Variants in ST6GAL1 observed in about 807,000 individuals in gnomAD.
ST6GAL1 encodes beta-galactoside alpha-2,6-sialyltransferase 1.
In ST6GAL1, 20 loss-of-function variants were observed where a neutral mutation model predicts 38.0. The ratio of observed to expected loss-of-function variants is 0.53; its 90% confidence interval spans 0.37 to 0.77. The LOEUF is 0.77. ST6GAL1 is among the 30% of genes least tolerant of loss of function. The pLI, the probability that ST6GAL1 is intolerant of heterozygous loss-of-function variation, is 0.00. For missense variants in ST6GAL1, 432 were observed against 496.4 expected (o/e 0.87, Z 1.23); for synonymous variants, 196 against 188.2 (o/e 1.04, Z -0.34).
chr3:186,963,870 C>G lies in ST6GAL1; in HGVS notation c.-239C>G, dbSNP rs908133577. 1 of 152,418 alleles carries G rather than the reference C, an allele frequency of 6.6e-6. No individual in the cohort carries two copies. Among genetic ancestry groups the G allele is most frequent in the African/African-American group, 2.4e-5 (1 of 41,464 alleles). 9.4% of individuals were successfully genotyped at this position (152,418 alleles called of 1,614,324 possible). On this transcript the variant is annotated 5_prime_UTR_variant, in exon 2 of 8. Transcript: ENST00000169298. ...TGTCATGGAGCCCAGCTGAAATGGA[C>G]TGGCCCCCTTGAGCCTGTCCCAAGC...
chr3:186,953,582 T>C (rs990789693), intron 1 of ST6GAL1, among the ~76,000 whole-genome samples: 1 of 152,186 alleles, frequency 6.6e-6, no homozygotes, highest in Non-Finnish European at 1.5e-5. Flanking sequence ...TAGGTGGCCA[T>C]CTGAGTTACT....
At position 186,967,895 on chromosome 3, in the gene ST6GAL1, G is replaced by A. The variant is rs574683462; in HGVS notation, c.-183+3969G>A. On this transcript the variant is annotated intron_variant, in intron 2 of 7. Coordinates refer to ENST00000169298, the MANE Select transcript of ST6GAL1 (RefSeq NM_173216.2). ...AGAGGCCAGGGTGTCCTGGGGAGCC[G>A]GCACAGCCCACTTCCTGCCTTAGCC... Among the ~76,000 whole-genome samples the A allele has an allele frequency of 1.7e-4, 26 of 152,332 alleles. No individual in the cohort carries two copies. The East Asian group carries it at 3.1e-3, about 18-fold the overall frequency.
At chr3:186,995,177 A>G (rs370088488) in intron 2 of ST6GAL1, among the ~76,000 whole-genome samples, 69 of 152,090 alleles carry the variant, frequency 4.5e-4, no homozygotes, top group African/African-American at 1.7e-3. Flanking sequence ...TAGGATCCAG[A>G]TAAAATCCAA....
rs115856778 is a variant in ST6GAL1, at chr3:187,059,613, T to C, written c.705+8267T>C. On this transcript the variant is annotated intron_variant, in intron 5 of 7. Transcript: ENST00000169298. ...GCTCTGTCTCTTACTAGCTGAAGGA[T>C]CATCAAGTTACTTCTCTCTAAAAAA... Among the ~76,000 whole-genome samples, 242 of 152,324 alleles carry C rather than the reference T, an allele frequency of 1.6e-3. 1 individual carries two copies. The highest frequency in any genetic ancestry group is 5.7e-3 in the African/African-American group (235 of 41,560).
chr3:186,999,933 G>A (rs1474759040), intron 2 of ST6GAL1, among the ~76,000 whole-genome samples: 1 of 151,946 alleles, frequency 6.6e-6, no homozygotes, highest in Non-Finnish European at 1.5e-5. Context: ...TTGAACTTGT[G>A]GGCTTGGGAT....
At position 186,999,413 on chromosome 3, in the gene ST6GAL1, CTTTTT is replaced by C. The variant is rs35693392; in HGVS notation, c.-183+35499_-183+35503del. Reference sequence around the variant, plus strand: ...CCTTGAAGGAAGACTACTATAATCTCTTTTTTTTTTTTTTTTGAGACGGAGTCTCA... The same window carrying C: ...CCTTGAAGGAAGACTACTATAATCTCTTTTTTTTTTTGAGACGGAGTCTCA... On this transcript the variant is annotated intron_variant, in intron 2 of 7. Coordinates refer to ENST00000169298, the MANE Select transcript of ST6GAL1 (RefSeq NM_173216.2). Among the ~76,000 whole-genome samples, 13 of 138,352 alleles carry C rather than the reference CTTTTT, an allele frequency of 9.4e-5. No individual in the cohort carries two copies. In the South Asian group the frequency reaches 2.5e-3, roughly 27 times the overall value. 90.8% of individuals were successfully genotyped at this position (138,352 alleles called of 152,430 possible). A position where few individuals can be genotyped will look rare whatever the true frequency, so the allele number is the denominator to read the frequency against.
chr3:186,993,977 G>A (rs958054388), intron 2 of ST6GAL1, among the ~76,000 whole-genome samples: 11 of 152,034 alleles, frequency 7.2e-5, no homozygotes, highest in African/African-American at 1.4e-4. Flanking sequence ...GCTCTACTTC[G>A]TCATCAGAGA....
At chr3:186,948,176 G>A (rs1327621348) in intron 1 of ST6GAL1, among the ~76,000 whole-genome samples, 1 of 152,210 alleles carries the variant, frequency 6.6e-6, no homozygotes, top group African/African-American at 2.4e-5. Context: ...GAGGGTGGAG[G>A]AGGCTGTTCC....
In ST6GAL1 at chr3:186,930,741, A is replaced by T. The variant is rs945429154; in HGVS notation, c.-418A>T. The T allele has an allele frequency of 6.6e-6, 1 of 152,154 alleles. No individual in the cohort carries two copies. Among genetic ancestry groups the T allele is most frequent in the Non-Finnish European group, 1.5e-5 (1 of 68,082 alleles). The allele number at this position is 152,154 out of a possible 1,614,324, so 9.4% of individuals were successfully genotyped here. On this transcript the variant is annotated 5_prime_UTR_variant, in exon 1 of 8. Coordinates refer to ENST00000169298, the MANE Select transcript of ST6GAL1 (RefSeq NM_173216.2). ...CCTGGGGCACTGCCCGGCGTTAACA[A>T]AGGGAGCCGATACCGACCGGCGTGG...
Position 187,042,757 on chromosome 3 carries a change from T to G in ST6GAL1, c.54T>G (p.Leu18=). Residue 18 remains leucine (L), a synonymous_variant, in exon 4 of 8, where the codon CTT becomes CTG. Transcript: ENST00000169298. The stretch of plus-strand genomic sequence containing the variant: ...TCAGCTGCTGCGTCCTGGTCTTTCT[T>G]CTGTTTGCAGTCATCTGTGTGTGGA... ...KKFSCCVLVF[L]LFAVICVWKE... is the part of the protein sequence containing the mutation. 6.2e-7 allele frequency: 1 copy of G among 1,614,106 alleles called. No homozygotes were observed. Among genetic ancestry groups the G allele is most frequent in the Non-Finnish European group, 8.5e-7 (1 of 1,180,004 alleles).
At chr3:187,025,293 TAGG>T (rs1361628128) in intron 2 of ST6GAL1, among the ~76,000 whole-genome samples, 1 of 152,070 alleles carries the variant, frequency 6.6e-6, no homozygotes, top group African/African-American at 2.4e-5. Flanking sequence ...TAGTAAAGAT[TAGG>T]AGGTGAGACA....
chr3:186,942,625 A>G (rs879194862), intron 1 of ST6GAL1, among the ~76,000 whole-genome samples: 2 of 152,152 alleles, frequency 1.3e-5, no homozygotes, highest in African/African-American at 4.8e-5. Flanking sequence ...CAAGTGAAGA[A>G]GAATGTTTTG....
chr3:187,066,426 A>G (rs141704806), intron 5 of ST6GAL1, among the ~76,000 whole-genome samples: 1 of 152,206 alleles, frequency 6.6e-6, no homozygotes, highest in East Asian at 1.9e-4. Context: ...TTTAATCCTA[A>G]TTACCTCCCT....
chr3:187,045,945 G>A (rs1402675553), intron 4 of ST6GAL1, among the ~76,000 whole-genome samples: 2 of 152,174 alleles, frequency 1.3e-5, no homozygotes, highest in Admixed American at 1.3e-4. Flanking sequence ...GGTGAGGAAC[G>A]AGGCCAGAAA....
chr3:187,029,088 T>TAAAAAAAGAAAA (rs1553828763), intron 2 of ST6GAL1, among the ~76,000 whole-genome samples: 5 of 105,978 alleles, frequency 4.7e-5, no homozygotes, highest in African/African-American at 1.8e-4. Context: ...ACCTTGTCTC[T>TAAAAAAAGAAAA]AAAAAAAAAA....
chr3:187,075,497 T>G lies in ST6GAL1; in HGVS notation c.980-65T>G. 2.5e-6 allele frequency: 4 copies of G among 1,586,678 alleles called. No individual in the cohort carries two copies. In the South Asian group the frequency reaches 3.4e-5, roughly 14 times the overall value. On this transcript the variant is annotated intron_variant, in intron 7 of 7. Transcript: ENST00000169298. This position sits in a 1 kb window ranked among gnomAD's most constrained non-coding sequence, Gnocchi z 4.1. Reference sequence around the variant, plus strand: ...TGGGGTCATGAGCTGCTGAACCCACTGGGCAGAGCTCTGGGGTGCTGGGGT... The same window carrying G: ...TGGGGTCATGAGCTGCTGAACCCACGGGGCAGAGCTCTGGGGTGCTGGGGT...
At chr3:186,940,472 A>G (rs1375161858) in intron 1 of ST6GAL1, among the ~76,000 whole-genome samples, 1 of 152,256 alleles carries the variant, frequency 6.6e-6, no homozygotes, top group African/African-American at 2.4e-5. Flanking sequence ...AAAACTCAGT[A>G]GATGGATTAC....
intron 2 of ST6GAL1, among the ~76,000 whole-genome samples, chr3:186,993,034 G>A (rs938049476): frequency 6.6e-6 from 1 of 151,848 alleles, no homozygotes; most frequent in Non-Finnish European, 1.5e-5. Flanking sequence ...GCTGTTCCCC[G>A]CTCCCTCCCA....
intron 3 of ST6GAL1, among the ~76,000 whole-genome samples, chr3:187,040,219 T>A (rs1462654361): frequency 1.3e-5 from 2 of 152,024 alleles, no homozygotes; most frequent in African/African-American, 2.4e-5. Context: ...CTCACGGGAG[T>A]ATAATAGGTC....
Sources: allele counts gnomAD v4.1 joint callset (sites outside exome capture counted in the v4.1 genomes callset), GRCh38; gene constraint gnomAD v4.1.1; non-coding constraint Gnocchi (gnomAD v3.1); transcripts MANE v1.5; gene names NCBI Gene and HGNC (gene_info 2026-07-23, HGNC 2026-07-21).